Variants in ADGRL2 observed in about 807,000 individuals in gnomAD.
ADGRL2 encodes the protein adhesion G protein-coupled receptor L2.
In ADGRL2, 44 loss-of-function variants were observed where a neutral mutation model predicts 157.4. That is an observed-to-expected ratio of 0.28 (90% CI 0.22 to 0.36). The LOEUF is 0.36. ADGRL2 is among the 10% of genes least tolerant of loss of function. The pLI, the probability that ADGRL2 is intolerant of heterozygous loss-of-function variation, is 1.00. For synonymous variants in ADGRL2, 585 were observed against 624.7 expected (o/e 0.94, Z 0.95); for missense variants, 1,510 against 1,768.9 (o/e 0.85, Z 2.63).
chr1:81,473,870 C>T (rs1171077446), intron 2 of ADGRL2, among the ~76,000 whole-genome samples: 1 of 152,318 alleles, frequency 6.6e-6, no homozygotes, highest in South Asian at 2.1e-4. Context: ...ACTGACACCT[C>T]ATACAACATG....
chr1:81,880,700 G>A (rs541460876), intron 2 of ADGRL2, among the ~76,000 whole-genome samples: 1 of 145,088 alleles, frequency 6.9e-6, no homozygotes, highest in Non-Finnish European at 1.5e-5. Flanking sequence ...GTGCACACGC[G>A]GGCCCTTAGT....
intron 2 of ADGRL2, among the ~76,000 whole-genome samples, chr1:81,468,950 G>A (rs1031989371): frequency 1.3e-5 from 2 of 152,128 alleles, no homozygotes; most frequent in African/African-American, 4.8e-5. Context: ...ACCCAGTGAG[G>A]GGTTAGTGTT....
At chr1:81,573,065 A>G (rs962067242) in intron 2 of ADGRL2, among the ~76,000 whole-genome samples, 1 of 151,946 alleles carries the variant, frequency 6.6e-6, no homozygotes, top group African/African-American at 2.4e-5. Context: ...TATTAAATAA[A>G]TCCTTTTGTT....
chr1:81,585,142 T>C (rs549098345), intron 3 of ADGRL2, among the ~76,000 whole-genome samples: 1 of 152,302 alleles, frequency 6.6e-6, no homozygotes, highest in Admixed American at 6.5e-5. Context: ...CCCACTATTG[T>C]TATTGCTACA....
At chr1:81,811,297 G>T (rs2149667400) in intron 1 of ADGRL2, among the ~76,000 whole-genome samples, 1 of 151,724 alleles carries the variant, frequency 6.6e-6, no homozygotes, top group East Asian at 1.9e-4. Context: ...AAGAACCTTA[G>T]TTTTAAAAAG....
intron 2 of ADGRL2, among the ~76,000 whole-genome samples, chr1:81,868,248 G>A (rs1300964505): frequency 6.6e-6 from 1 of 152,138 alleles, no homozygotes; most frequent in Non-Finnish European, 1.5e-5. Flanking sequence ...TGGTTAAGAT[G>A]TTGCGGAGAC....
intron 2 of ADGRL2, chr1:81,557,509 G>GAA (rs368280494): frequency 1.5e-5 from 2 of 135,334 alleles, no homozygotes; most frequent in African/African-American, 2.7e-5. Context: ...AAGAAAGAAA[G>GAA]AAAGAAAGAA....
chr1:81,895,331 T>G (rs1193759546), intron 2 of ADGRL2, among the ~76,000 whole-genome samples: 1 of 151,964 alleles, frequency 6.6e-6, no homozygotes, highest in Non-Finnish European at 1.5e-5. Flanking sequence ...TAATAAAAAT[T>G]GGTAGGGAAC....
At chr1:81,571,956 G>A (rs768270596) in intron 2 of ADGRL2, among the ~76,000 whole-genome samples, 7 of 152,172 alleles carry the variant, frequency 4.6e-5, no homozygotes, top group Non-Finnish European at 1.0e-4. Context: ...GAAGTTCACT[G>A]TCAGTTTTGC....
chr1:81,989,748 G>T lies in ADGRL2; in HGVS notation c.3656-643G>T. The stretch of plus-strand genomic sequence containing the variant: ...CCTGCTGTCTATCGTGATGTTGGAT[G>T]GTGCTTGTGGGCCCCTGGTCCAGTC... On this transcript the variant is annotated intron_variant, in intron 23 of 23. Coordinates refer to ENST00000686636, the MANE Select transcript of ADGRL2 (RefSeq NM_001366006.2). The T allele has an allele frequency of 3.7e-6, 6 of 1,603,216 alleles. No homozygotes were observed. In the South Asian group the frequency reaches 6.7e-5, roughly 18 times the overall value.
At chr1:81,652,235 T>G (rs1415688446) in intron 3 of ADGRL2, among the ~76,000 whole-genome samples, 1 of 152,230 alleles carries the variant, frequency 6.6e-6, no homozygotes, top group African/African-American at 2.4e-5. Context: ...AAACTACATT[T>G]CTGTGGTTTC....
chr1:81,952,546 C>G (rs1652178527), intron 9 of ADGRL2, among the ~76,000 whole-genome samples: 1 of 152,100 alleles, frequency 6.6e-6, no homozygotes, highest in Non-Finnish European at 1.5e-5. Context: ...TGACATATTT[C>G]TTTCAATGGC....
chr1:81,762,707 C>T (rs928590101), intron 2 of ADGRL2, among the ~76,000 whole-genome samples: 4 of 151,862 alleles, frequency 2.6e-5, no homozygotes, highest in African/African-American at 4.8e-5. Flanking sequence ...TGTGCATGTG[C>T]GCTTATATAG....
chr1:81,705,976 C>G (rs188588376), intron 1 of ADGRL2, among the ~76,000 whole-genome samples: 486 of 152,060 alleles, frequency 3.2e-3, no homozygotes, highest in African/African-American at 0.011. Context: ...TTTGGGAGGC[C>G]AAGGCGGGCG....
chr1:81,352,060 A>G (rs1004481007), intron 1 of ADGRL2, among the ~76,000 whole-genome samples: 1 of 152,240 alleles, frequency 6.6e-6, no homozygotes, highest in African/African-American at 2.4e-5. Flanking sequence ...CACAGCCTCA[A>G]TAGGTTGCAC....
chr1:81,322,047 A>G (rs111963534), intron 1 of ADGRL2, among the ~76,000 whole-genome samples: 305 of 145,114 alleles, frequency 2.1e-3, no homozygotes, highest in African/African-American at 7.4e-3. Context: ...TTGCCATACT[A>G]TTTTTTTCAA....
intron 2 of ADGRL2, among the ~76,000 whole-genome samples, chr1:81,854,994 C>T (rs995812753): frequency 1.2e-4 from 18 of 152,074 alleles, no homozygotes; most frequent in African/African-American, 4.3e-4. Context: ...TATTTTTATT[C>T]TGGAAGTATT....
intron 1 of ADGRL2, among the ~76,000 whole-genome samples, chr1:81,317,183 C>T (rs1660165163): frequency 6.6e-6 from 1 of 152,114 alleles, no homozygotes; most frequent in African/African-American, 2.4e-5. Context: ...ATACATAACA[C>T]AACCCCCACA....
chr1:81,571,641 T>G (rs1280822916), intron 2 of ADGRL2, among the ~76,000 whole-genome samples: 6 of 151,982 alleles, frequency 3.9e-5, no homozygotes, highest in Non-Finnish European at 8.8e-5. Flanking sequence ...GATGAGCCTC[T>G]GTAAAAACAG....
Sources: gnomAD v4.1 joint callset for allele counts (sites outside exome capture counted in the v4.1 genomes callset) on GRCh38, gnomAD v4.1.1 for gene constraint, MANE v1.5 for transcripts, NCBI Gene and HGNC (gene_info 2026-07-23, HGNC 2026-07-21) for gene names.